Variants in NRXN3 observed in about 807,000 individuals in gnomAD.
NRXN3 encodes the protein neurexin III.
In NRXN3, 32 loss-of-function variants were observed where a neutral mutation model predicts 137.6. The observed-to-expected ratio is 0.23, with a 90% CI of 0.18 to 0.31. The LOEUF (loss-of-function observed/expected upper bound fraction) is 0.31. Among genes scored for constraint, NRXN3 ranks in the 10% least tolerant of loss-of-function variants. The pLI is 1.00. For synonymous variants in NRXN3, 798 were observed against 784.5 expected (o/e 1.02, Z -0.29); for missense variants, 1,574 against 2,062.5 (o/e 0.76, Z 4.59).
At chr14:79,835,469 T>C (rs537422510) in intron 20 of NRXN3, among the ~76,000 whole-genome samples, 6 of 152,310 alleles carry the variant, frequency 3.9e-5, no homozygotes, top group Non-Finnish European at 7.4e-5. Context: ...TCTCTCTAAA[T>C]AGTTATTTCT....
intron 15 of NRXN3, among the ~76,000 whole-genome samples, chr14:79,066,842 T>C (rs1327108142): frequency 6.6e-6 from 1 of 152,178 alleles, no homozygotes; most frequent in Non-Finnish European, 1.5e-5. Flanking sequence ...CTGAAATTGC[T>C]TATCAGCTTA....
intron 10 of NRXN3, among the ~76,000 whole-genome samples, chr14:78,849,583 G>T (rs1472358316): frequency 6.6e-6 from 1 of 152,068 alleles, no homozygotes; most frequent in Non-Finnish European, 1.5e-5. Context: ...TAAAAATGTT[G>T]TTTAAATTTA....
chr14:79,340,181 G>A (rs1285391828), intron 15 of NRXN3, among the ~76,000 whole-genome samples: 5 of 151,830 alleles, frequency 3.3e-5, no homozygotes, highest in African/African-American at 1.2e-4. Flanking sequence ...GTGTGTGTGT[G>A]TGTGTGTGTA....
At chr14:79,245,496 GA>G (rs1439249626) in intron 15 of NRXN3, among the ~76,000 whole-genome samples, 2 of 152,122 alleles carry the variant, frequency 1.3e-5, no homozygotes, top group East Asian at 1.9e-4. Context: ...AAGAATGAAT[GA>G]GTTCTCATGT....
chr14:79,396,621 C>T (rs1207696586), intron 15 of NRXN3, among the ~76,000 whole-genome samples: 1 of 152,080 alleles, frequency 6.6e-6, no homozygotes, highest in Admixed American at 6.6e-5. Flanking sequence ...ACAGGTAAGA[C>T]AGTCAAGGGG....
At chr14:79,411,656 G>A (rs139815191) in intron 15 of NRXN3, among the ~76,000 whole-genome samples, 214 of 152,210 alleles carry the variant, frequency 1.4e-3, no homozygotes, top group Middle Eastern at 3.4e-3. Flanking sequence ...GAGTCAAATG[G>A]TATGTAGTAG....
chr14:78,435,584 A>G (rs532806713), intron 4 of NRXN3, among the ~76,000 whole-genome samples: 38 of 152,334 alleles, frequency 2.5e-4, no homozygotes, highest in African/African-American at 9.1e-4. Context: ...TGTTCTGTGA[A>G]AACAAAAGTG....
chr14:79,227,659 A>G (rs185252982), intron 15 of NRXN3, among the ~76,000 whole-genome samples: 1 of 151,868 alleles, frequency 6.6e-6, no homozygotes, highest in Non-Finnish European at 1.5e-5. Context: ...ATGTATTCTG[A>G]TAGGGCCACT....
In NRXN3 at chr14:79,467,256, C is replaced by T; in HGVS notation, c.3298C>T (p.Leu1100Phe). 6.2e-7 allele frequency: 1 copy of T among 1,610,228 alleles called. No homozygotes were observed. The highest frequency in any genetic ancestry group is 8.5e-7 in the Non-Finnish European group (1 of 1,176,812). ...GTACATCTTTGGGAAAAGTGGTGGGCTTATCCTCTACACCTGGCCAGCCAA... is the reference window on the plus strand; with the variant it reads ...GTACATCTTTGGGAAAAGTGGTGGGTTTATCCTCTACACCTGGCCAGCCAA... Reference protein sequence around the residue: ...ATYIFGKSGGLILYTWPANDR... With the variant: ...ATYIFGKSGGFILYTWPANDR... The change falls in exon 16 of 21, where the codon CTT (leucine) becomes TTT (phenylalanine). Residue 1100 changes from leucine (L) to phenylalanine (F), a missense_variant. Physicochemically the swap from Leu to Phe is conservative, Grantham distance 22 (BLOSUM62 0). Transcript: ENST00000335750.
At chr14:79,491,570 T>C (rs2096716994) in intron 16 of NRXN3, among the ~76,000 whole-genome samples, 1 of 150,692 alleles carries the variant, frequency 6.6e-6, no homozygotes, top group Non-Finnish European at 1.5e-5. Flanking sequence ...GGCACTAATG[T>C]ACCCTGTAAA....
At chr14:79,743,056 G>T (rs1371791094) in intron 19 of NRXN3, among the ~76,000 whole-genome samples, 1 of 152,238 alleles carries the variant, frequency 6.6e-6, no homozygotes, top group Admixed American at 6.5e-5. Flanking sequence ...GGAGATATGA[G>T]ATAATGTTAG....
rs7154492 is a variant in NRXN3 at position 78,981,190 on chromosome 14, T to C, written c.3143-6832T>C. Among the ~76,000 whole-genome samples, 4,773 of 152,258 alleles carry C rather than the reference T, an allele frequency of 0.031. 479 individuals are homozygous for C. The East Asian group carries it at 0.4, about 13-fold the overall frequency. On this transcript the variant is annotated intron_variant, in intron 14 of 20. Transcript: ENST00000335750. ...TTTCTGTTCATAAAATTGGACAAAA[T>C]GAGATCTTCCTGTTTAACTGAATTG... is the stretch of plus-strand genomic sequence containing the variant.
chr14:78,359,054 G>A (rs1464243306), intron 4 of NRXN3, among the ~76,000 whole-genome samples: 1 of 152,134 alleles, frequency 6.6e-6, no homozygotes, highest in Non-Finnish European at 1.5e-5. Flanking sequence ...ATAGGTAGGT[G>A]GAGAAATGTA....
intron 15 of NRXN3, among the ~76,000 whole-genome samples, chr14:79,134,355 C>G (rs139619759): frequency 5.9e-4 from 90 of 152,248 alleles, no homozygotes; most frequent in Middle Eastern, 3.4e-3. Context: ...ATATGATTCT[C>G]AATTAGGAAA....
chr14:78,895,241 C>T lies in NRXN3; in HGVS notation c.2276-62001C>T, dbSNP rs141504784. Among the ~76,000 whole-genome samples the T allele has an allele frequency of 5.5e-4, 84 of 151,942 alleles. No individual in the cohort carries two copies. The East Asian group carries it at 0.015, about 27-fold the overall frequency. On this transcript the variant is annotated intron_variant, in intron 10 of 20. Coordinates refer to ENST00000335750, the MANE Select transcript of NRXN3 (RefSeq NM_001330195.2). ...AAAAATCTCTTGCTTGGTGTAGTCA[C>T]CTTCATCAATTATCTTAGCTGGATG...
chr14:79,518,029 C>A (rs2097015103), intron 16 of NRXN3, among the ~76,000 whole-genome samples: 2 of 150,150 alleles, frequency 1.3e-5, no homozygotes, highest in Non-Finnish European at 2.9e-5. Flanking sequence ...CCTCAGCCTG[C>A]TGAGTAGCTG....
At chr14:78,578,615 T>C (rs967272451) in intron 4 of NRXN3, among the ~76,000 whole-genome samples, 3 of 152,136 alleles carry the variant, frequency 2.0e-5, no homozygotes, top group Non-Finnish European at 4.4e-5. Flanking sequence ...AGAATCACCA[T>C]GATGATGAGA....
At chr14:79,267,473 T>C (rs1176970843) in intron 15 of NRXN3, among the ~76,000 whole-genome samples, 1 of 151,828 alleles carries the variant, frequency 6.6e-6, no homozygotes, top group East Asian at 1.9e-4. Context: ...TTCTCATGCC[T>C]CAGCTTCCCT....
intron 16 of NRXN3, among the ~76,000 whole-genome samples, chr14:79,619,554 G>A (rs554286822): frequency 2.0e-5 from 3 of 152,090 alleles, no homozygotes; most frequent in East Asian, 3.9e-4. Flanking sequence ...CTGGTTAATT[G>A]TACCTATATT....
Sources: gnomAD v4.1 joint callset for allele counts (sites outside exome capture counted in the v4.1 genomes callset) on GRCh38, gnomAD v4.1.1 for gene constraint, MANE v1.5 for transcripts, NCBI Gene and HGNC (gene_info 2026-07-23, HGNC 2026-07-21) for gene names.